NRG1: variants seen among roughly 807,000 people sequenced by gnomAD.
NRG1 encodes neuregulin 1.
A neutral mutation model predicts 63.8 loss-of-function variants in NRG1; 18 were observed. The observed-to-expected ratio is 0.28, with a 90% confidence interval of 0.19 to 0.42. The LOEUF is 0.42. Ranked by LOEUF, NRG1 falls within the 10% of genes least tolerant of loss-of-function variation. The pLI is 1.00. For synonymous variants in NRG1, 302 were observed against 301.3 expected (o/e 1.00, Z -0.02); for missense variants, 762 against 814.7 (o/e 0.94, Z 0.79).
At chr8:31,707,301 C>T (rs538641841) in intron 1 of NRG1, among the ~76,000 whole-genome samples, 20 of 152,176 alleles carry the variant, frequency 1.3e-4, no homozygotes, top group African/African-American at 4.8e-4. Flanking sequence ...TTATTATACA[C>T]TAAATTCTTC....
chr8:32,171,962 C>T (rs1321300985), intron 1 of NRG1, among the ~76,000 whole-genome samples: 1 of 152,170 alleles, frequency 6.6e-6, no homozygotes, highest in African/African-American at 2.4e-5. Flanking sequence ...CCTCTGCAGA[C>T]TTAAATGTCC....
chr8:32,352,007 T>C (rs757091791), intron 1 of NRG1, among the ~76,000 whole-genome samples: 1 of 151,696 alleles, frequency 6.6e-6, no homozygotes, highest in South Asian at 2.1e-4. Flanking sequence ...TGTCTTCTTC[T>C]TGACAAGTGA....
At chr8:31,722,208 G>A (rs1437894992) in intron 1 of NRG1, among the ~76,000 whole-genome samples, 1 of 152,008 alleles carries the variant, frequency 6.6e-6, no homozygotes, top group African/African-American at 2.4e-5. Context: ...GATCTAACTA[G>A]TTTTAGTTCC....
upstream of NRG1, among the ~76,000 whole-genome samples, chr8:32,544,679 CTTTTTT>C (rs755780220): frequency 5.0e-5 from 4 of 80,434 alleles, no homozygotes; most frequent in Admixed American, 1.7e-4. Flanking sequence ...ATTTTTGTAT[CTTTTTT>C]TTTTTTTTTT....
chr8:32,685,649 A>G (rs1358986833), intron 5 of NRG1, among the ~76,000 whole-genome samples: 1 of 152,220 alleles, frequency 6.6e-6, no homozygotes, highest in Non-Finnish European at 1.5e-5. Flanking sequence ...TAAAATAATA[A>G]TAAGAAAAAA....
chr8:32,042,802 T>C (rs1820283808), intron 1 of NRG1, among the ~76,000 whole-genome samples: 1 of 151,918 alleles, frequency 6.6e-6, no homozygotes. Flanking sequence ...AGAGGAAGAA[T>C]TGGTGAATTT....
chr8:32,277,517 C>A (rs1050245449), intron 1 of NRG1, among the ~76,000 whole-genome samples: 1 of 152,296 alleles, frequency 6.6e-6, no homozygotes, highest in Admixed American at 6.5e-5. Context: ...CCTAAACAAT[C>A]ATTATATATG....
intron 1 of NRG1, among the ~76,000 whole-genome samples, chr8:32,472,743 A>G (rs1472585801): frequency 6.6e-6 from 1 of 152,206 alleles, no homozygotes; most frequent in Non-Finnish European, 1.5e-5. Flanking sequence ...TGTAGCATGC[A>G]TCTTACTAGT....
intron 1 of NRG1, among the ~76,000 whole-genome samples, chr8:32,354,229 C>A (rs563350673): frequency 6.6e-6 from 1 of 151,872 alleles, no homozygotes; most frequent in Admixed American, 6.6e-5. Context: ...ATTAGCCAGG[C>A]GTGGTGATGA....
At chr8:32,501,478 T>C (rs1827846831) in intron 1 of NRG1, among the ~76,000 whole-genome samples, 2 of 152,204 alleles carry the variant, frequency 1.3e-5, no homozygotes, top group Admixed American at 6.5e-5. Flanking sequence ...CTTTGAGAGT[T>C]TTCCAGGGGC....
intron 9 of NRG1, among the ~76,000 whole-genome samples, chr8:32,757,539 C>T (rs1313824557): frequency 6.6e-6 from 1 of 152,194 alleles, no homozygotes; most frequent in Non-Finnish European, 1.5e-5. Flanking sequence ...TTTGTTGGAG[C>T]AAGGTGCTTA....
At chr8:32,333,359 C>T (rs1204309460) in intron 1 of NRG1, among the ~76,000 whole-genome samples, 1 of 151,928 alleles carries the variant, frequency 6.6e-6, no homozygotes, top group East Asian at 1.9e-4. Flanking sequence ...GTAGATGTAT[C>T]ACAATGCATT....
At position 31,639,880 on chromosome 8, in the gene NRG1, GGGA is replaced by G. The variant is rs778494027; in HGVS notation, c.37+460_37+462del. The G allele has an allele frequency of 6.0e-5, 65 of 1,092,408 alleles. No homozygotes were observed. In the Admixed American group the frequency reaches 1.7e-3, roughly 29 times the overall value. The allele number at this position is 1,092,408 out of a possible 1,614,324, so 67.7% of individuals were successfully genotyped here. On this transcript the variant is annotated intron_variant, in intron 1 of 10. Transcript: ENST00000519301. ...ATAAATAAAAGGAGGAGGGCAAGGG[GGGA>G]GGAGGAGGAGTGGTGCTGCGAGGGG...
At chr8:32,447,563 G>T (rs532920174) in intron 1 of NRG1, among the ~76,000 whole-genome samples, 1 of 152,034 alleles carries the variant, frequency 6.6e-6, no homozygotes, top group Admixed American at 6.6e-5. Flanking sequence ...ATGTTTAATT[G>T]TTGCTTAAAG....
At chr8:32,336,841 C>T (rs1350577441) in intron 1 of NRG1, among the ~76,000 whole-genome samples, 2 of 152,142 alleles carry the variant, frequency 1.3e-5, no homozygotes, top group African/African-American at 4.8e-5. Flanking sequence ...AACTCCTGTG[C>T]TCAGGTGATC....
intron 1 of NRG1, among the ~76,000 whole-genome samples, chr8:31,688,362 A>G (rs1432232983): frequency 6.6e-6 from 1 of 152,164 alleles, no homozygotes; most frequent in Non-Finnish European, 1.5e-5. Context: ...GGACATGCGA[A>G]ACGCAGTGAG....
chr8:32,384,486 G>A (rs1465385395), intron 1 of NRG1, among the ~76,000 whole-genome samples: 3 of 152,152 alleles, frequency 2.0e-5, no homozygotes, highest in Non-Finnish European at 4.4e-5. Flanking sequence ...TGTCATTTTG[G>A]TTTGTTCTAT....
chr8:32,530,200 C>T (rs1254623719), intron 1 of NRG1, among the ~76,000 whole-genome samples: 8 of 152,056 alleles, frequency 5.3e-5, no homozygotes, highest in Admixed American at 6.5e-5. Context: ...GTCCGCCTCC[C>T]GGGTTCATGC....
At chr8:31,728,993 T>A (rs1264023572) in intron 1 of NRG1, among the ~76,000 whole-genome samples, 1 of 152,210 alleles carries the variant, frequency 6.6e-6, no homozygotes, top group African/African-American at 2.4e-5. Context: ...AAGGGTCATC[T>A]GGTTCTGGGC....
Sources: gnomAD v4.1 joint callset for allele counts (sites outside exome capture counted in the v4.1 genomes callset) on GRCh38, gnomAD v4.1.1 for gene constraint, MANE v1.5 for transcripts, NCBI Gene and HGNC (gene_info 2026-07-23, HGNC 2026-07-21) for gene names.